Variants in DCTN1 observed in about 807,000 individuals in gnomAD.
The protein encoded by DCTN1 is dynactin subunit 1.
In DCTN1, 61 loss-of-function variants were observed where a neutral mutation model predicts 161.2. That is an observed-to-expected ratio of 0.38 (90% CI 0.31 to 0.47). DCTN1 has a LOEUF of 0.47. Among genes scored for constraint, DCTN1 ranks in the 20% least tolerant of loss-of-function variants. The probability of loss-of-function intolerance (pLI) is 0.99; values close to 1 mark genes in which losing one functional copy is unlikely to be tolerated. For synonymous variants in DCTN1, 653 were observed against 632.4 expected (o/e 1.03, Z -0.49); for missense variants, 1,404 against 1,623.7 (o/e 0.86, Z 2.33).
upstream of DCTN1, among the ~76,000 whole-genome samples, chr2:74,384,374 G>A (rs576023464): frequency 1.4e-4 from 22 of 152,288 alleles, no homozygotes; most frequent in Admixed American, 5.9e-4. Flanking sequence ...CAGCATTACC[G>A]GGCCCAGGCC....
rs1244901384 is a variant in DCTN1 at position 74,363,313 on chromosome 2, T to C, written c.3326A>G (p.His1109Arg). 1.2e-6 allele frequency: 2 copies of C among 1,613,960 alleles called. No homozygotes were observed. Among genetic ancestry groups the C allele is most frequent in the Non-Finnish European group, 8.5e-7 (1 of 1,179,956 alleles). ...CCTCACCTTGAGGATGCTGTTCTCA[T>C]GCTGGAGCTGGGAGATGTGCAGCCT... Reference protein sequence around the residue: ...AMRLHISQLQHENSILKGAQM... With the variant: ...AMRLHISQLQRENSILKGAQM... The change falls in exon 28 of 32, where the codon CAT (histidine) becomes CGT (arginine). Residue 1109 changes from histidine to arginine, a missense_variant. By Grantham distance (29) the His-to-Arg change is conservative. Coordinates refer to ENST00000628224, the MANE Select transcript of DCTN1 (RefSeq NM_004082.5).
chr2:74,367,963 T>A lies in DCTN1; in HGVS notation c.2015+8A>T. 6.2e-7 allele frequency: 1 copy of A among 1,614,058 alleles called. No homozygotes were observed. Among genetic ancestry groups the A allele is most frequent in the Non-Finnish European group, 8.5e-7 (1 of 1,179,996 alleles). Reference sequence around the variant, plus strand: ...CACCCTGGGGTGAGGGAGTCAGGAGTCACTTACTGCTCATAGCGGTGTAGC... The same window carrying A: ...CACCCTGGGGTGAGGGAGTCAGGAGACACTTACTGCTCATAGCGGTGTAGC... On this transcript the variant is annotated splice_region_variant and intron_variant, in intron 17 of 31. Coordinates refer to ENST00000628224, the MANE Select transcript of DCTN1 (RefSeq NM_004082.5).
chr2:74,391,837 G>A (rs1026650526), exon 1 of DCTN1: 3 of 453,786 alleles, frequency 6.6e-6, no homozygotes, highest in African/African-American at 6.0e-5. Context: ...CCCCACCGAC[G>A]ACCGACGCCC....
upstream of DCTN1, chr2:74,383,749 A>G (rs1021781492): frequency 6.6e-6 from 1 of 152,254 alleles, no homozygotes; most frequent in African/African-American, 2.4e-5. Context: ...AGACCTGAAT[A>G]TACCTTTGGT....
chr2:74,380,595 C>T, upstream of DCTN1: 1 of 471,338 alleles, frequency 2.1e-6, no homozygotes, highest in South Asian at 1.5e-5. Context: ...AGCCTCCACA[C>T]AGCCAAAATA....
intron 1 of DCTN1, among the ~76,000 whole-genome samples, chr2:74,389,126 A>G (rs558882698): frequency 4.6e-5 from 7 of 152,280 alleles, no homozygotes; most frequent in African/African-American, 1.7e-4. Flanking sequence ...GATTTGGGGC[A>G]GCAAGGGCCC....
upstream of DCTN1, chr2:74,383,956 T>C (rs1675619904): frequency 1.3e-5 from 2 of 152,236 alleles, no homozygotes; most frequent in African/African-American, 4.8e-5. Flanking sequence ...CACGATGACT[T>C]GCGCACAGTA....
chr2:74,377,887 C>A, intron 2 of DCTN1, 113 bp downstream of exon 2: 1 of 1,523,332 alleles, frequency 6.6e-7, no homozygotes, highest in Admixed American at 1.8e-5. Flanking sequence ...ACCTTCCACT[C>A]TCCCAACCAG....
intron 26 of DCTN1, chr2:74,364,438 C>T: frequency 6.2e-6 from 1 of 160,896 alleles, no homozygotes; most frequent in Non-Finnish European, 1.4e-5. Context: ...GGAGAGTAAA[C>T]AAAACAAACT....
intron 7 of DCTN1, 83 bp from the exon 8 acceptor site, chr2:74,371,811 T>C: frequency 8.8e-7 from 1 of 1,134,678 alleles, no homozygotes; most frequent in Middle Eastern, 2.0e-4. Context: ...TATGAGAATA[T>C]GGCAAGGGAA....
rs1276978486 is a variant in DCTN1, at chr2:74,362,092, G to T, written c.3659C>A (p.Pro1220His). 1.2e-6 allele frequency: 2 copies of T among 1,613,848 alleles called. No homozygotes were observed. The highest frequency in any genetic ancestry group is 8.5e-7 in the Non-Finnish European group (1 of 1,179,876). ...TVSQRPGATVPTDFATFPSSA... is the reference protein window; with the variant it reads ...TVSQRPGATVHTDFATFPSSA... ...TGAAGGGAAGGTGGCAAAGTCAGTG[G>T]GTACTGTGGCTCCAGGGCGCTGAGA... Residue 1220 changes from proline to histidine, a missense_variant, in exon 31 of 32, where the codon CCC (proline) becomes CAC (histidine). Physicochemically the swap from Pro to His is moderately conservative, Grantham distance 77. Transcript: ENST00000628224.
chr2:74,383,093 A>T (rs1490685521), upstream of DCTN1, among the ~76,000 whole-genome samples: 3 of 150,424 alleles, frequency 2.0e-5, no homozygotes, highest in African/African-American at 7.5e-5. Context: ...AAAAAAAAAA[A>T]ATAAATAAAT....
chr2:74,374,363 C>T, intron 5 of DCTN1, 23 bp from the exon 6 acceptor site: 1 of 1,612,714 alleles, frequency 6.2e-7, no homozygotes, highest in South Asian at 1.1e-5. Flanking sequence ...TGCAGAAAAC[C>T]AAAGAAAGCA....
chr2:74,373,377 T>G (rs1675011081), intron 6 of DCTN1: 1 of 302,702 alleles, frequency 3.3e-6, no homozygotes, highest in Non-Finnish European at 6.5e-6. Flanking sequence ...GGTCAGCCTC[T>G]TCCTTCAAGT....
chr2:74,386,668 T>C (rs1402836365), intron 1 of DCTN1: 1 of 152,222 alleles, frequency 6.6e-6, no homozygotes, highest in African/African-American at 2.4e-5. Flanking sequence ...GCAGATAACC[T>C]TGCTGAAAAA....
At chr2:74,377,759 G>A (rs1451836615) in intron 2 of DCTN1, 33 bp from the exon 3 acceptor site, 1 of 1,592,482 alleles carries the variant, frequency 6.3e-7, no homozygotes, top group Non-Finnish European at 8.6e-7. Flanking sequence ...CAGATCAATA[G>A]TTTCAATATA....
intron 16 of DCTN1, chr2:74,368,404 A>C (rs1255770657): frequency 1.5e-5 from 9 of 603,952 alleles, no homozygotes; most frequent in East Asian, 2.9e-5. Flanking sequence ...CACTCCTGCT[A>C]TCTCTCCACC....
Position 74,367,455 on chromosome 2 carries a change from C to A in DCTN1, c.2185-35G>T, listed in dbSNP as rs370387031. On this transcript the variant is annotated intron_variant, in intron 18 of 31. Transcript: ENST00000628224. ...GATAACAGACAGACAACTTTTAGGC[C>A]CTGGAGCGGGTGGGGAGTTCTTCCC... 8.1e-6 allele frequency: 13 copies of A among 1,612,298 alleles called. No individual in the cohort carries two copies. The African/African-American group carries it at 1.7e-4, about 22-fold the overall frequency.
At chr2:74,376,177 C>T (rs1481059437) in intron 5 of DCTN1, among the ~76,000 whole-genome samples, 1 of 147,972 alleles carries the variant, frequency 6.8e-6, no homozygotes, top group Non-Finnish European at 1.5e-5. Context: ...AGGCACACCA[C>T]CAGAGGAAGG....
Sources: gnomAD v4.1 joint callset for allele counts (sites outside exome capture counted in the v4.1 genomes callset) on GRCh38, gnomAD v4.1.1 for gene constraint, MANE v1.5 for transcripts, NCBI Gene and HGNC (gene_info 2026-07-23, HGNC 2026-07-21) for gene names.